The following PEAK1 variants were observed in gnomAD, a reference collection of about 807,000 sequenced individuals.
The protein encoded by PEAK1 is pseudopodium enriched atypical kinase 1, also known as inactive tyrosine-protein kinase PEAK1.
Under a neutral mutation model 124.7 loss-of-function variants are expected in PEAK1, and 54 were observed. That is an observed-to-expected ratio of 0.43 (90% confidence interval 0.35 to 0.54). The LOEUF is 0.54. Among genes scored for constraint, PEAK1 ranks in the 20% least tolerant of loss-of-function variants. The pLI, the probability that PEAK1 is intolerant of heterozygous loss-of-function variation, is 0.01. For missense variants in PEAK1, 2,046 were observed against 2,134.5 expected (o/e 0.96, Z 0.82); for synonymous variants, 719 against 760.0 (o/e 0.95, Z 0.89).
intron 6 of PEAK1, among the ~76,000 whole-genome samples, chr15:77,221,641 C>T (rs2059396397): frequency 6.6e-6 from 1 of 151,946 alleles, no homozygotes; most frequent in African/African-American, 2.4e-5. Context: ...TTATGAAGCA[C>T]CTAACTGGGC....
chr15:77,126,709 G>A (rs77315453), intron 9 of PEAK1, among the ~76,000 whole-genome samples: 6,510 of 152,226 alleles, frequency 0.043, 188 homozygotes, highest in Middle Eastern at 0.12. Context: ...CAAGAGAGGC[G>A]CATGACTTGC....
chr15:77,298,712 T>A (rs897460725), intron 2 of PEAK1, among the ~76,000 whole-genome samples: 1 of 152,182 alleles, frequency 6.6e-6, no homozygotes, highest in Non-Finnish European at 1.5e-5. Context: ...GAAAATAGTA[T>A]ACTTGGATTT....
At chr15:77,341,779 T>C (rs2066551500) in intron 2 of PEAK1, among the ~76,000 whole-genome samples, 1 of 152,148 alleles carries the variant, frequency 6.6e-6, no homozygotes, top group Non-Finnish European at 1.5e-5. Context: ...AGAGTTATAA[T>C]TTCCATGTAA....
At position 77,181,193 on chromosome 15, in the gene PEAK1, A is replaced by T. The variant is rs201656462; in HGVS notation, c.734T>A (p.Met245Lys). 1.2e-6 allele frequency: 2 copies of T among 1,613,936 alleles called. No individual in the cohort carries two copies. Among genetic ancestry groups the T allele is most frequent in the Admixed American group, 1.7e-5 (1 of 59,996 alleles). ...ESEEDVLFSN[M>K]EEEHESWDES... is the part of the protein sequence containing the mutation. ...ATCCCAACTCTCGTGCTCCTCCTCCATGTTACTGAAAAGTACATCCTCTTC... is the reference window on the plus strand; with the variant it reads ...ATCCCAACTCTCGTGCTCCTCCTCCTTGTTACTGAAAAGTACATCCTCTTC... Residue 245 changes from methionine to lysine, a missense_variant, in exon 7 of 10, where the codon ATG becomes AAG. By Grantham distance (95) the Met-to-Lys change is moderately conservative. Transcript: ENST00000682557.
chr15:77,117,620 A>C (rs999798597), intron 9 of PEAK1, among the ~76,000 whole-genome samples: 2 of 152,238 alleles, frequency 1.3e-5, no homozygotes, highest in Admixed American at 1.3e-4. Context: ...AATTTGATAG[A>C]GGACAGACAA....
At chr15:77,234,242 T>C (rs2060022049) in intron 6 of PEAK1, among the ~76,000 whole-genome samples, 1 of 152,362 alleles carries the variant, frequency 6.6e-6, no homozygotes, top group Middle Eastern at 3.4e-3. Context: ...GTTTTAGTTA[T>C]GCTTCCTTTT....
intron 5 of PEAK1, among the ~76,000 whole-genome samples, chr15:77,275,372 TC>T (rs1480785310): frequency 1.3e-5 from 2 of 152,132 alleles, no homozygotes; most frequent in Non-Finnish European, 2.9e-5. Flanking sequence ...GTACAGTCAA[TC>T]CTTAAACAAC....
chr15:77,338,751 A>G (rs1441657944), intron 2 of PEAK1, among the ~76,000 whole-genome samples: 1 of 151,798 alleles, frequency 6.6e-6, no homozygotes, highest in Non-Finnish European at 1.5e-5. Flanking sequence ...AGGATTGAAA[A>G]ACTTAACCTT....
At chr15:77,309,925 G>A (rs931222968) in intron 2 of PEAK1, among the ~76,000 whole-genome samples, 2 of 152,128 alleles carry the variant, frequency 1.3e-5, no homozygotes, top group Admixed American at 1.3e-4. Flanking sequence ...GAGGAACTGT[G>A]GCTATTCTTC....
At chr15:77,412,366 A>G (rs1390974638) in intron 1 of PEAK1, among the ~76,000 whole-genome samples, 1 of 152,202 alleles carries the variant, frequency 6.6e-6, no homozygotes, top group Non-Finnish European at 1.5e-5. Flanking sequence ...AACTCTCCCC[A>G]AAAACCTGCT....
chr15:77,171,431 T>C (rs2056495327), intron 7 of PEAK1, among the ~76,000 whole-genome samples: 1 of 152,076 alleles, frequency 6.6e-6, no homozygotes, highest in African/African-American at 2.4e-5. Context: ...GAACAAATGT[T>C]AAACACCACA....
Position 77,114,808 on chromosome 15 carries a change from C to T in PEAK1, c.4589G>A (p.Gly1530Glu), listed in dbSNP as rs1434610801. 6.2e-6 allele frequency: 10 copies of T among 1,613,122 alleles called. No individual in the cohort carries two copies. In the African/African-American group the frequency reaches 1.3e-4, roughly 22 times the overall value. Residue 1530 changes from glycine (G) to glutamate (E), a missense_variant, in exon 10 of 10, where the codon GGG becomes GAG. Gly to Glu is a moderately conservative substitution (Grantham distance 98). Transcript: ENST00000682557. Reference protein sequence around the residue: ...ENLLLVHYQPGGTAQGFGPAE... With the variant: ...ENLLLVHYQPEGTAQGFGPAE... ...AGGCCCAAAGCCTTGGGCAGTCCCCCCAGGCTGGTAGTGGACAAGTAGCAG... is the reference window on the plus strand; with the variant it reads ...AGGCCCAAAGCCTTGGGCAGTCCCCTCAGGCTGGTAGTGGACAAGTAGCAG...
chr15:77,402,495 A>G, intron 1 of PEAK1: 1 of 970,290 alleles, frequency 1.0e-6, no homozygotes, highest in Non-Finnish European at 1.2e-6. Context: ...AAAATATTAC[A>G]TGTTAAAATT....
At chr15:77,158,216 T>C (rs564766524) in intron 8 of PEAK1, 169 of 336,172 alleles carry the variant, frequency 5.0e-4, no homozygotes, top group African/African-American at 3.3e-3. Context: ...ACTGTATTTA[T>C]ATTACACTGA....
At chr15:77,309,740 G>A (rs1195521589) in intron 2 of PEAK1, among the ~76,000 whole-genome samples, 1 of 151,982 alleles carries the variant, frequency 6.6e-6, no homozygotes, top group Non-Finnish European at 1.5e-5. Context: ...CAACTAATTT[G>A]TCATTGCATA....
Position 77,178,820 on chromosome 15 carries a change from G to C in PEAK1, c.3107C>G (p.Ser1036Cys), listed in dbSNP as rs201856196. 15 of 1,613,772 alleles carry C rather than the reference G, an allele frequency of 9.3e-6. No homozygotes were observed. In the East Asian group the frequency reaches 3.3e-4, roughly 36 times the overall value. Residue 1036 changes from serine (S) to cysteine (C), a missense_variant, in exon 7 of 10, where the codon TCT becomes TGT. By Grantham distance (112) the Ser-to-Cys change is moderately radical. Transcript: ENST00000682557. ...AATCTTTTTAGGAATCTGTGATGGA[G>C]AAGAATGACTCCTCTTCTTCTCTGA... Reference protein sequence around the residue: ...QDSEKKRSHSSPSQIPKKILS... With the variant: ...QDSEKKRSHSCPSQIPKKILS...
chr15:77,131,164 A>G (rs2052823179), intron 9 of PEAK1, among the ~76,000 whole-genome samples: 1 of 152,222 alleles, frequency 6.6e-6, no homozygotes, highest in African/African-American at 2.4e-5. Context: ...GGCACAATGG[A>G]CAAAATACAG....
intron 6 of PEAK1, among the ~76,000 whole-genome samples, chr15:77,220,820 T>G (rs537178890): frequency 1.4e-4 from 22 of 152,184 alleles, no homozygotes; most frequent in African/African-American, 5.1e-4. Context: ...AGTATAGCGA[T>G]AGGAGAGAAT....
intron 1 of PEAK1, among the ~76,000 whole-genome samples, chr15:77,412,853 G>A (rs567252133): frequency 1.1e-4 from 16 of 152,066 alleles, no homozygotes; most frequent in South Asian, 6.2e-4. Context: ...ATGTACATAC[G>A]CATAAAAAAA....
Sources: allele counts gnomAD v4.1 joint callset (sites outside exome capture counted in the v4.1 genomes callset), GRCh38; gene constraint gnomAD v4.1.1; transcripts MANE v1.5; gene names NCBI Gene and HGNC (gene_info 2026-07-23, HGNC 2026-07-21).